Variants in KCMF1 observed in about 807,000 individuals in gnomAD.
KCMF1 encodes the protein potassium channel modulatory factor 1, also known as E3 ubiquitin-protein ligase KCMF1.
In KCMF1, 3 loss-of-function variants were observed where a neutral mutation model predicts 41.1. The ratio of observed to expected loss-of-function variants is 0.07; its 90% CI spans 0.03 to 0.19. The LOEUF (loss-of-function observed/expected upper bound fraction) is 0.19. Ranked by LOEUF, KCMF1 falls within the 10% of genes least tolerant of loss-of-function variation. The pLI, the probability that KCMF1 is intolerant of heterozygous loss-of-function variation, is 1.00. For synonymous variants in KCMF1, 142 were observed against 164.5 expected, an observed-to-expected ratio of 0.86 and a Z score of 1.04; for missense variants, 286 against 488.9, an observed-to-expected ratio of 0.58 and a Z score of 3.91.
intron 1 of KCMF1, among the ~76,000 whole-genome samples, chr2:85,003,770 A>G (rs1355375552): frequency 6.6e-6 from 1 of 152,116 alleles, no homozygotes; most frequent in Non-Finnish European, 1.5e-5. Flanking sequence ...ATAAAAACAT[A>G]TATAAAATAG....
chr2:84,991,307 AG>A (rs548027099), intron 1 of KCMF1, among the ~76,000 whole-genome samples: 234 of 152,352 alleles, frequency 1.5e-3, no homozygotes, highest in African/African-American at 5.3e-3. Flanking sequence ...GTTCTGTTTC[AG>A]GCGTAAATTA....
At chr2:85,023,340 G>A (rs1422377039) in intron 1 of KCMF1, among the ~76,000 whole-genome samples, 3 of 113,264 alleles carry the variant, frequency 2.6e-5, no homozygotes, top group Non-Finnish European at 5.1e-5. Context: ...TTTTTGAGAC[G>A]GAGTCTCGCA....
At chr2:84,979,340 T>C (rs1673641730) in intron 1 of KCMF1, among the ~76,000 whole-genome samples, 2 of 151,944 alleles carry the variant, frequency 1.3e-5, no homozygotes, top group Non-Finnish European at 2.9e-5. Context: ...CTGGCCAACA[T>C]AGTGAAACCC....
chr2:85,056,599 C>G lies in KCMF1; in HGVS notation c.*3190C>G, dbSNP rs1430985875. ...TGGGTTGGGGGGTAGAAGGAGAATACTAGAGAGGTTACGGTAGCAGGTGGC... is the reference window on the plus strand; with the variant it reads ...TGGGTTGGGGGGTAGAAGGAGAATAGTAGAGAGGTTACGGTAGCAGGTGGC... On this transcript the variant is annotated 3_prime_UTR_variant, in exon 7 of 7. Transcript: ENST00000409785. The G allele has an allele frequency of 6.6e-6, 1 of 152,140 alleles. No homozygotes were observed. The highest frequency in any genetic ancestry group is 1.5e-5 in the Non-Finnish European group (1 of 68,060). 9.4% of individuals were successfully genotyped at this position (152,140 alleles called of 1,614,324 possible).
intron 1 of KCMF1, among the ~76,000 whole-genome samples, chr2:84,975,006 C>T (rs1673509579): frequency 6.6e-6 from 1 of 151,934 alleles, no homozygotes; most frequent in Non-Finnish European, 1.5e-5. Flanking sequence ...CGCACCTGGC[C>T]GAATTTCATA....
intron 3 of KCMF1, among the ~76,000 whole-genome samples, chr2:85,036,297 C>G (rs1675401540): frequency 6.6e-6 from 1 of 152,146 alleles, no homozygotes; most frequent in Non-Finnish European, 1.5e-5. Flanking sequence ...TATTACTATT[C>G]TTAGTTTATT....
intron 4 of KCMF1, among the ~76,000 whole-genome samples, chr2:85,044,375 C>CTT (rs1240024323): frequency 6.6e-6 from 1 of 151,628 alleles, no homozygotes; most frequent in Non-Finnish European, 1.5e-5. Context: ...CTTTTCTTTT[C>CTT]TTTTCTTTTT....
chr2:85,038,624 C>CT (rs547419591), intron 3 of KCMF1, among the ~76,000 whole-genome samples: 51 of 151,350 alleles, frequency 3.4e-4, no homozygotes, highest in Non-Finnish European at 5.6e-4. Context: ...TCTTTTTTTT[C>CT]TTTTTTTGTA....
chr2:84,983,791 G>A (rs577111334), intron 1 of KCMF1, among the ~76,000 whole-genome samples: 4 of 152,182 alleles, frequency 2.6e-5, no homozygotes, highest in South Asian at 2.1e-4. Context: ...GATTACAGGC[G>A]TGAGCCACTG....
chr2:84,999,789 G>T lies in KCMF1; in HGVS notation c.17-28100G>T, dbSNP rs533474575. Among the ~76,000 whole-genome samples, 408 of 152,254 alleles carry T rather than the reference G, an allele frequency of 2.7e-3. 3 individuals carry two copies. Among genetic ancestry groups the T allele is most frequent in the African/African-American group, 9.5e-3 (396 of 41,560 alleles). The stretch of plus-strand genomic sequence containing the variant: ...CTTTCCACATGGAAAAATAAAAATA[G>T]TATCACATAGTCACTAGTGAGTTTG... On this transcript the variant is annotated intron_variant, in intron 1 of 6. Transcript: ENST00000409785.
In KCMF1 at chr2:85,053,229, G is replaced by A. The variant is rs1197766623; in HGVS notation, c.966G>A (p.Glu322=). The stretch of plus-strand genomic sequence containing the variant: ...CAGACCGCAGCCTGTTTGTCCAAGA[G>A]CTCCTTCTGTCCACTTTAGTGCGTG... ...ERADRSLFVQ[E]LLLSTLVREE... The change falls in exon 7 of 7, where the codon GAG becomes GAA. Residue 322 remains glutamate, a synonymous_variant. Coordinates refer to ENST00000409785, the MANE Select transcript of KCMF1 (RefSeq NM_020122.5). 3 of 1,614,018 alleles carry A rather than the reference G, an allele frequency of 1.9e-6. No individual in the cohort carries two copies. Among genetic ancestry groups the A allele is most frequent in the Non-Finnish European group, 2.5e-6 (3 of 1,179,884 alleles).
At chr2:84,981,800 A>G (rs987904544) in intron 1 of KCMF1, among the ~76,000 whole-genome samples, 1 of 151,608 alleles carries the variant, frequency 6.6e-6, no homozygotes, top group Non-Finnish European at 1.5e-5. Flanking sequence ...TTTTTTTGAG[A>G]TGGAGTCTGG....
rs182127350 is a variant in KCMF1 at position 85,003,690 on chromosome 2, G to A, written c.17-24199G>A. ...GTGGATCTCAAACTCCTGGGCTCTAGGAATCCTCCTGCCTAGGATTACAGG... is the reference window on the plus strand; with the variant it reads ...GTGGATCTCAAACTCCTGGGCTCTAAGAATCCTCCTGCCTAGGATTACAGG... On this transcript the variant is annotated intron_variant, in intron 1 of 6. Coordinates refer to ENST00000409785, the MANE Select transcript of KCMF1 (RefSeq NM_020122.5). Among the ~76,000 whole-genome samples, 9 of 152,094 alleles carry A rather than the reference G, an allele frequency of 5.9e-5. 1 individual carries two copies. Among genetic ancestry groups the A allele is most frequent in the African/African-American group, 1.9e-4 (8 of 41,498 alleles).
intron 1 of KCMF1, among the ~76,000 whole-genome samples, chr2:85,008,347 A>AATATATATC (rs1553379360): frequency 0.068 from 488 of 7,168 alleles, 49 homozygotes; most frequent in Middle Eastern, 0.1. Context: ...TATGATATAT[A>AATATATATC]ATATATAATA....
chr2:85,031,178 A>G (rs1675258348), intron 2 of KCMF1, among the ~76,000 whole-genome samples: 1 of 152,246 alleles, frequency 6.6e-6, no homozygotes. Flanking sequence ...AAAGAAGCCA[A>G]CTAGGATTTT....
chr2:84,996,642 G>A (rs182691144), intron 1 of KCMF1, among the ~76,000 whole-genome samples: 1,752 of 151,994 alleles, frequency 0.012, 36 homozygotes, highest in African/African-American at 0.04. Context: ...CACCATGTTG[G>A]CCAGACTCGT....
intron 1 of KCMF1, among the ~76,000 whole-genome samples, chr2:84,976,753 AGGT>A: frequency 6.6e-6 from 1 of 152,232 alleles, no homozygotes; most frequent in Middle Eastern, 3.4e-3. Flanking sequence ...ATAAATGAGC[AGGT>A]GGTCATATTG....
chr2:85,015,007 T>C (rs2104009687), intron 1 of KCMF1, among the ~76,000 whole-genome samples: 1 of 152,068 alleles, frequency 6.6e-6, no homozygotes, highest in Non-Finnish European at 1.5e-5. Context: ...AACAAGTACT[T>C]GTTCAGGGCC....
chr2:84,995,953 T>TG (rs1193391196), intron 1 of KCMF1, among the ~76,000 whole-genome samples: 1 of 152,246 alleles, frequency 6.6e-6, no homozygotes, highest in Non-Finnish European at 1.5e-5. Flanking sequence ...ATAAATGTGA[T>TG]GGCTTCAAAT....
Sources: gnomAD v4.1 joint callset for allele counts (sites outside exome capture counted in the v4.1 genomes callset) on GRCh38, gnomAD v4.1.1 for gene constraint, MANE v1.5 for transcripts, NCBI Gene and HGNC (gene_info 2026-07-23, HGNC 2026-07-21) for gene names.